The following ZNF84 variants were observed in gnomAD, a reference collection of about 807,000 sequenced individuals.
The protein encoded by ZNF84 is zinc finger protein HPF2.
Under a neutral mutation model 14.8 loss-of-function variants are expected in ZNF84, and 12 were observed. The ratio of observed to expected loss-of-function variants is 0.81; its 90% confidence interval spans 0.52 to 1.31. The LOEUF is 1.31. Among genes scored for constraint, ZNF84 ranks in the 50% most tolerant of loss-of-function variants. The probability of loss-of-function intolerance (pLI) is 0.00; values close to 1 mark genes in which losing one functional copy is unlikely to be tolerated. For missense variants in ZNF84, 859 were observed against 878.6 expected (o/e 0.98, Z 0.28); for synonymous variants, 347 against 291.1 (o/e 1.19, Z -1.96).
At chr12:133,043,956 G>A (rs1457537141) in intron 2 of ZNF84, among the ~76,000 whole-genome samples, 1 of 150,530 alleles carries the variant, frequency 6.6e-6, no homozygotes, top group African/African-American at 2.4e-5. Context: ...TAGAGATGGG[G>A]TTTCACCATA....
intron 4 of ZNF84, among the ~76,000 whole-genome samples, chr12:133,053,477 C>T (rs1365171126): frequency 5.3e-5 from 8 of 152,158 alleles, no homozygotes; most frequent in Non-Finnish European, 8.8e-5. Flanking sequence ...TGGGGGCTTG[C>T]ACCTGTAATC....
chr12:133,053,735 C>A (rs1263561408), intron 4 of ZNF84, among the ~76,000 whole-genome samples: 1 of 151,984 alleles, frequency 6.6e-6, no homozygotes, highest in Non-Finnish European at 1.5e-5. Context: ...AGGGCAATAC[C>A]CTGTCTCAAA....
rs1000971017 is a variant in ZNF84, at chr12:133,050,515, T to A, written c.238+1667T>A. ...GCATCTGCTATAGACTTGTAATCTCTGCTTTCAGGGACCTCCATAGTATGA... is the reference window on the plus strand; with the variant it reads ...GCATCTGCTATAGACTTGTAATCTCAGCTTTCAGGGACCTCCATAGTATGA... On this transcript the variant is annotated intron_variant, in intron 4 of 4. Transcript: ENST00000539354. The A allele has an allele frequency of 2.5e-5, 10 of 398,542 alleles. No homozygotes were observed. The Admixed American group carries it at 4.4e-4, about 18-fold the overall frequency. The allele number at this position is 398,542 out of a possible 1,614,324, so 24.7% of individuals were successfully genotyped here. A position where few individuals can be genotyped will look rare whatever the true frequency, so the allele number is the denominator to read the frequency against.
chr12:133,046,414 T>A (rs1202180721), intron 2 of ZNF84, among the ~76,000 whole-genome samples: 3 of 150,260 alleles, frequency 2.0e-5, no homozygotes, highest in Non-Finnish European at 4.4e-5. Flanking sequence ...CAGAATGTCT[T>A]TGCATCCTCT....
At chr12:133,046,684 T>TG in intron 2 of ZNF84, among the ~76,000 whole-genome samples, 1 of 151,132 alleles carries the variant, frequency 6.6e-6, no homozygotes, top group South Asian at 2.1e-4. Flanking sequence ...GTTTTTGAGA[T>TG]GGGGTCTCAC....
chr12:133,048,065 C>A lies in ZNF84; in HGVS notation c.126C>A (p.Ser42Arg). 6.2e-7 allele frequency: 1 copy of A among 1,613,724 alleles called. No individual in the cohort carries two copies. The highest frequency in any genetic ancestry group is 1.1e-5 in the South Asian group (1 of 91,056). The change falls in exon 3 of 5, where the codon AGC becomes AGA. Residue 42 changes from serine (S) to arginine (R), a missense_variant. By Grantham distance (110) the Ser-to-Arg change is moderately radical. Coordinates refer to ENST00000539354, the MANE Select transcript of ZNF84 (RefSeq NM_001289971.2). ...AGGATGTGATGTTGGAGAACTATAG[C>A]AGCCTAGTGTCACTGGGTAATAAAA... is the stretch of plus-strand genomic sequence containing the variant. The part of the protein sequence containing the change: ...LYKDVMLENY[S>R]SLVSLGYEVM...
chr12:133,042,749 A>G (rs1035562285), intron 2 of ZNF84, among the ~76,000 whole-genome samples: 17 of 152,358 alleles, frequency 1.1e-4, no homozygotes, highest in Non-Finnish European at 2.4e-4. Context: ...CTTCATGACC[A>G]TAATTATTTA....
intron 1 of ZNF84, among the ~76,000 whole-genome samples, chr12:133,038,523 T>G (rs1303044642): frequency 3.3e-5 from 5 of 151,436 alleles, no homozygotes; most frequent in African/African-American, 1.2e-4. Flanking sequence ...GTTATGCCAT[T>G]GCACTTCAGC....
Position 133,057,891 on chromosome 12 carries a change from ACAT to A in ZNF84, c.1179_1181del (p.His393del). Reference sequence around the variant, plus strand: ...TCTTTGAGAAGTCAGAGCTTATTAGACATCAGACAATTCATACTGGAGAGAAAC... The same window carrying A: ...TCTTTGAGAAGTCAGAGCTTATTAGACAGACAATTCATACTGGAGAGAAAC... On this transcript the variant is annotated inframe_deletion, in exon 5 of 5. Transcript: ENST00000539354. 1 of 1,613,650 alleles carries A rather than the reference ACAT, an allele frequency of 6.2e-7. No individual in the cohort carries two copies.
chr12:133,053,863 G>A (rs1954109767), intron 4 of ZNF84, among the ~76,000 whole-genome samples: 1 of 151,976 alleles, frequency 6.6e-6, no homozygotes, highest in Non-Finnish European at 1.5e-5. Context: ...CAAACCTAAG[G>A]GTAATTCTTG....
At position 133,058,987 on chromosome 12, in the gene ZNF84, T is replaced by G. The variant is rs1593715681; in HGVS notation, c.*55T>G. The stretch of plus-strand genomic sequence containing the variant: ...TCATCTTGGACTTCAGGAAATGCAA[T>G]TATGATAACGTTTGTAGACAGTCAC... On this transcript the variant is annotated 3_prime_UTR_variant, in exon 5 of 5. Coordinates refer to ENST00000539354, the MANE Select transcript of ZNF84 (RefSeq NM_001289971.2). 5 of 1,491,774 alleles carry G rather than the reference T, an allele frequency of 3.4e-6. No homozygotes were observed. In the East Asian group the frequency reaches 1.1e-4, roughly 34 times the overall value. The allele number at this position is 1,491,774 out of a possible 1,614,324, so 92.4% of individuals were successfully genotyped here. A position where few individuals can be genotyped will look rare whatever the true frequency, so the allele number is the denominator to read the frequency against.
At chr12:133,048,243 A>C in intron 3 of ZNF84, 162 bp downstream of exon 3, 1 of 585,294 alleles carries the variant, frequency 1.7e-6, no homozygotes, top group Non-Finnish European at 2.9e-6. Context: ...ACACCAAGAA[A>C]GTATTTGGGT....
rs1206275468 is a variant in ZNF84, at chr12:133,050,429, G to A, written c.238+1581G>A. ...TGCTTTCAGCTCAAGAAAGTTCTTGGGTAGAGAGTTGTGAGTGCCTCGGGT... is the reference window on the plus strand; with the variant it reads ...TGCTTTCAGCTCAAGAAAGTTCTTGAGTAGAGAGTTGTGAGTGCCTCGGGT... On this transcript the variant is annotated intron_variant, in intron 4 of 4. Coordinates refer to ENST00000539354, the MANE Select transcript of ZNF84 (RefSeq NM_001289971.2). 8 of 398,460 alleles carry A rather than the reference G, an allele frequency of 2.0e-5. No homozygotes were observed. The East Asian group carries it at 2.9e-4, about 14-fold the overall frequency. 24.7% of individuals were successfully genotyped at this position (398,460 alleles called of 1,614,324 possible). A position where few individuals can be genotyped will look rare whatever the true frequency, so the allele number is the denominator to read the frequency against.
intron 3 of ZNF84, 76 bp downstream of exon 3, chr12:133,048,157 A>G (rs1954015301): frequency 8.4e-6 from 12 of 1,426,298 alleles, no homozygotes; most frequent in Non-Finnish European, 1.1e-5. Flanking sequence ...GGGAAGTTTC[A>G]GAAGCCTATA....
Position 133,063,155 on chromosome 12 carries a change from A to G in ZNF84, c.*4223A>G. On this transcript the variant is annotated 3_prime_UTR_variant, in exon 5 of 5. Transcript: ENST00000539354. ...AGAATGAAGCCATGATGAAAGCAAA[A>G]TCAAGAAAGAGTCCCGATTGTGTTC... 1 of 702,360 alleles carries G rather than the reference A, an allele frequency of 1.4e-6. No homozygotes were observed. Among genetic ancestry groups the G allele is most frequent in the Non-Finnish European group, 2.6e-6 (1 of 384,838 alleles). The allele number at this position is 702,360 out of a possible 1,614,324, so 43.5% of individuals were successfully genotyped here.
chr12:133,038,649 G>A (rs1057254406), intron 1 of ZNF84, among the ~76,000 whole-genome samples: 45 of 151,494 alleles, frequency 3.0e-4, no homozygotes, highest in African/African-American at 7.0e-4. Flanking sequence ...GAGTCGATGA[G>A]TTATATAAAT....
At chr12:133,048,726 A>G in intron 3 of ZNF84, 27 bp from the exon 4 acceptor site, 1 of 1,594,848 alleles carries the variant, frequency 6.3e-7, no homozygotes, top group Non-Finnish European at 8.6e-7. Context: ...GTTGGGCCCA[A>G]GGCCTTTGTG....
rs2137448398 is a variant in ZNF84, at chr12:133,063,102, G to T, written c.*4170G>T. The T allele has an allele frequency of 2.8e-6, 2 of 702,306 alleles. No individual in the cohort carries two copies. Among genetic ancestry groups the T allele is most frequent in the East Asian group, 5.4e-5 (2 of 37,280 alleles). The allele number at this position is 702,306 out of a possible 1,614,324, so 43.5% of individuals were successfully genotyped here. On this transcript the variant is annotated 3_prime_UTR_variant, in exon 5 of 5. Transcript: ENST00000539354. ...AGTGAGTGGCTGTTTTCTGCCACAT[G>T]GAGAAACATGGTCTGCAGTGAGAGA...
intron 4 of ZNF84, among the ~76,000 whole-genome samples, chr12:133,054,303 TGAGCCTGG>T (rs1954115045): frequency 1.3e-5 from 2 of 152,156 alleles, no homozygotes; most frequent in Admixed American, 6.5e-5. Context: ...GAGGATCTCT[TGAGCCTGG>T]GAGCCTGGGG....
Sources: gnomAD v4.1 joint callset for allele counts (sites outside exome capture counted in the v4.1 genomes callset) on GRCh38, gnomAD v4.1.1 for gene constraint, MANE v1.5 for transcripts, NCBI Gene and HGNC (gene_info 2026-07-23, HGNC 2026-07-21) for gene names.